Variants in FGF13 observed in about 807,000 individuals in gnomAD.
The protein encoded by FGF13 is fibroblast growth factor homologous factor 2.
A neutral mutation model predicts 19.5 loss-of-function variants in FGF13; 2 were observed. That is an observed-to-expected ratio of 0.10 (90% confidence interval 0.04 to 0.32). FGF13 has a LOEUF of 0.32. Ranked by LOEUF, FGF13 falls within the 10% of genes least tolerant of loss-of-function variation. The pLI, the probability that FGF13 is intolerant of heterozygous loss-of-function variation, is 1.00. For missense variants in FGF13, 113 were observed against 192.7 expected (o/e 0.59, Z 2.45); for synonymous variants, 72 against 76.9 (o/e 0.94, Z 0.33).
intron 1 of FGF13, among the ~76,000 whole-genome samples, chrX:138,972,181 C>A (rs2091920177): frequency 9.3e-6 from 1 of 107,805 alleles, no homozygotes; most frequent in Admixed American, 1.0e-4. Context: ...GTGCAGATAT[C>A]TCTTCAACGT....
intron 1 of FGF13, among the ~76,000 whole-genome samples, chrX:139,187,674 C>A (rs5976304): frequency 0.016 from 1,790 of 112,052 alleles, 39 homozygotes; most frequent in African/African-American, 0.055. Flanking sequence ...TGTTCACAAT[C>A]AGCATTTCAT....
chrX:138,670,643 G>A (rs7877687), intron 3 of FGF13, among the ~76,000 whole-genome samples: 1 of 111,337 alleles, frequency 9.0e-6, no homozygotes, highest in East Asian at 2.8e-4. Context: ...TACACAGGGA[G>A]GCATACAGGT....
chrX:139,098,470 C>T (rs972277608), intron 1 of FGF13, among the ~76,000 whole-genome samples: 2 of 111,434 alleles, frequency 1.8e-5, no homozygotes, highest in African/African-American at 6.5e-5. Context: ...TGGAATCAAA[C>T]TAGATGCCCT....
chrX:139,131,326 A>G (rs1243458969), intron 1 of FGF13, among the ~76,000 whole-genome samples: 1 of 110,600 alleles, frequency 9.0e-6, no homozygotes, highest in Non-Finnish European at 1.9e-5. Flanking sequence ...TCAGCTGTAA[A>G]CTGGTTTTAC....
downstream of FGF13, among the ~76,000 whole-genome samples, chrX:138,853,620 C>CGTGTGTGTGT (rs34651876): frequency 3.0e-5 from 3 of 99,901 alleles, no homozygotes; most frequent in African/African-American, 1.1e-4. Context: ...TGTGCGTGTG[C>CGTGTGTGTGT]GTGTGTGTGT....
intron 1 of FGF13, among the ~76,000 whole-genome samples, chrX:138,900,621 C>G (rs1193531964): frequency 8.9e-6 from 1 of 111,763 alleles, no homozygotes; most frequent in Non-Finnish European, 1.9e-5. Flanking sequence ...TCAGCCCCTT[C>G]TACTCAATTA....
intron 1 of FGF13, among the ~76,000 whole-genome samples, chrX:139,063,161 A>C (rs2124424142): frequency 8.9e-6 from 1 of 111,821 alleles, no homozygotes; most frequent in South Asian, 3.8e-4. Context: ...GAGAGACAGC[A>C]GTGCATGATT....
chrX:138,635,241 G>C (rs941750915), intron 4 of FGF13, among the ~76,000 whole-genome samples: 3 of 110,912 alleles, frequency 2.7e-5, no homozygotes, highest in East Asian at 2.8e-4. Flanking sequence ...AACTTGGTTG[G>C]GGGGAAGGTT....
intron 1 of FGF13, among the ~76,000 whole-genome samples, chrX:138,709,998 T>G (rs1488596691): frequency 1.8e-5 from 2 of 111,211 alleles, no homozygotes; most frequent in Non-Finnish European, 3.8e-5. Context: ...GTGTAAAAGA[T>G]TCATTTGGTT....
rs756145691 is a variant in FGF13, at chrX:138,792,962, T to C, written c.217+64550A>G. The stretch of plus-strand genomic sequence containing the variant: ...TTAAGAACTTTGAGATAAGATTATA[T>C]TGGATTATCTGATAGGCTCTAAATT... On this transcript the variant is annotated intron_variant, in intron 3 of 6. Coordinates refer to the FGF13 transcript ENST00000436198. 3.6e-5 allele frequency among the ~76,000 whole-genome samples: 4 copies of C among 111,771 alleles called. No individual in the cohort carries two copies. The South Asian group carries it at 1.5e-3, about 42-fold the overall frequency.
intron 3 of FGF13, among the ~76,000 whole-genome samples, chrX:138,768,401 G>A (rs1021721522): frequency 1.4e-4 from 15 of 110,227 alleles, no homozygotes; most frequent in Non-Finnish European, 2.5e-4. Context: ...TAGGATAGAG[G>A]TTACCCTTAA....
chrX:138,964,090 G>A (rs2091885664), intron 1 of FGF13, among the ~76,000 whole-genome samples: 1 of 111,736 alleles, frequency 8.9e-6, no homozygotes, highest in African/African-American at 3.3e-5. Context: ...AACAATGTAG[G>A]AGTTGATAAG....
chrX:138,672,591 A>T (rs1165818063), intron 3 of FGF13, among the ~76,000 whole-genome samples: 1 of 111,975 alleles, frequency 8.9e-6, no homozygotes, highest in African/African-American at 3.2e-5. Context: ...TCTATTTGGG[A>T]CTTGTTAACC....
At chrX:139,060,828 T>G (rs78872117) in intron 1 of FGF13, among the ~76,000 whole-genome samples, 5 of 109,266 alleles carry the variant, frequency 4.6e-5, no homozygotes, top group African/African-American at 6.6e-5. Flanking sequence ...ACTTTTTCTG[T>G]TTTTTTTTCT....
chrX:138,754,060 T>A (rs62602177), intron 3 of FGF13, among the ~76,000 whole-genome samples: 1,262 of 112,133 alleles, frequency 0.011, 13 homozygotes, highest in African/African-American at 0.025. Context: ...CCAAGTAGAA[T>A]CAACTTTATC....
At chrX:139,069,450 C>G (rs1412499450) in intron 1 of FGF13, among the ~76,000 whole-genome samples, 1 of 72,050 alleles carries the variant, frequency 1.4e-5, no homozygotes, top group Non-Finnish European at 2.6e-5. Context: ...ATATCACACT[C>G]TGGGGACTGG....
chrX:139,149,739 A>T (rs1024494901), intron 1 of FGF13, among the ~76,000 whole-genome samples: 9 of 112,096 alleles, frequency 8.0e-5, no homozygotes, highest in African/African-American at 2.9e-4. Flanking sequence ...TTTAAAGGTG[A>T]GCCCCCATTA....
intron 1 of FGF13, among the ~76,000 whole-genome samples, chrX:139,079,771 G>A (rs778206519): frequency 5.4e-5 from 6 of 111,292 alleles, no homozygotes; most frequent in African/African-American, 1.6e-4. Context: ...GAATCATAAT[G>A]TTCTGGGTTC....
At chrX:138,975,260 A>G (rs1291412754) in intron 1 of FGF13, among the ~76,000 whole-genome samples, 1 of 112,694 alleles carries the variant, frequency 8.9e-6, no homozygotes, top group Non-Finnish European at 1.9e-5. Context: ...GAAAGGCATT[A>G]TTATCTCCAT....
Sources: gnomAD v4.1 joint callset for allele counts (sites outside exome capture counted in the v4.1 genomes callset) on GRCh38, gnomAD v4.1.1 for gene constraint, MANE v1.5 for transcripts, NCBI Gene and HGNC (gene_info 2026-07-23, HGNC 2026-07-21) for gene names.